Variants in TTC7B observed in about 807,000 individuals in gnomAD.
TTC7B encodes the protein tetratricopeptide repeat protein 7B.
TTC7B carries 28 observed loss-of-function variants against 106.8 expected under a neutral mutation model. The ratio of observed to expected loss-of-function variants is 0.26; its 90% CI spans 0.19 to 0.36. The LOEUF is 0.36. TTC7B is among the 10% of genes least tolerant of loss of function. The pLI, the probability that TTC7B is intolerant of heterozygous loss-of-function variation, is 1.00. For missense variants in TTC7B, 862 were observed against 1,076.4 expected (o/e 0.80, Z 2.79); for synonymous variants, 405 against 430.6 (o/e 0.94, Z 0.74).
intron 19 of TTC7B, among the ~76,000 whole-genome samples, chr14:90,544,427 G>C (rs891524906): frequency 2.0e-5 from 3 of 152,206 alleles, no homozygotes; most frequent in African/African-American, 7.2e-5. Flanking sequence ...CCTGGTGCCT[G>C]CCTGAAGGGC....
At chr14:90,664,457 G>A (rs1886331851) in intron 9 of TTC7B, among the ~76,000 whole-genome samples, 1 of 152,042 alleles carries the variant, frequency 6.6e-6, no homozygotes, top group Admixed American at 6.6e-5. Flanking sequence ...TTTTAGTAGA[G>A]ATGGGGTTTC....
chr14:90,604,285 C>T (rs538292448), intron 17 of TTC7B, among the ~76,000 whole-genome samples: 1 of 152,306 alleles, frequency 6.6e-6, no homozygotes, highest in African/African-American at 2.4e-5. Flanking sequence ...TTGGCAATTG[C>T]CAGTAGGCAT....
intron 14 of TTC7B, among the ~76,000 whole-genome samples, chr14:90,645,975 G>A (rs777129125): frequency 3.9e-5 from 6 of 152,182 alleles, no homozygotes; most frequent in Admixed American, 6.5e-5. Flanking sequence ...TGGAGGAGGC[G>A]AGAGAAGCTG....
chr14:90,597,683 CA>C (rs943420414), intron 17 of TTC7B, among the ~76,000 whole-genome samples: 1 of 150,676 alleles, frequency 6.6e-6, no homozygotes, highest in Non-Finnish European at 1.5e-5. Context: ...ACAACAACAA[CA>C]AAAAAAACCC....
intron 3 of TTC7B, among the ~76,000 whole-genome samples, chr14:90,764,032 A>G (rs1377774583): frequency 6.6e-6 from 1 of 152,212 alleles, no homozygotes; most frequent in Non-Finnish European, 1.5e-5. Flanking sequence ...GAACAAAGTT[A>G]GAAAACACAC....
chr14:90,669,502 C>T (rs1415675640), intron 9 of TTC7B, among the ~76,000 whole-genome samples: 2 of 149,440 alleles, frequency 1.3e-5, no homozygotes, highest in Non-Finnish European at 3.0e-5. Flanking sequence ...AGTCTGAGAC[C>T]AGCCCAAGCT....
At chr14:90,646,845 C>T in intron 14 of TTC7B, 106 bp downstream of exon 14, 1 of 1,076,534 alleles carries the variant, frequency 9.3e-7, no homozygotes, top group Non-Finnish European at 1.4e-6. Context: ...CCAGGTCAGC[C>T]TCAATGGAAT....
At chr14:90,749,436 G>A (rs1376151999) in intron 3 of TTC7B, among the ~76,000 whole-genome samples, 8 of 126,222 alleles carry the variant, frequency 6.3e-5, no homozygotes, top group Non-Finnish European at 8.0e-5. Flanking sequence ...ACAGAGTTTC[G>A]CTCTTGTTGC....
In TTC7B at chr14:90,816,388, GGGCTCCGGCTCCC is replaced by G. The variant is rs1218132217; in HGVS notation, c.-106_-94del. ...CGCCTCCCGCCGCCGCCGCGGGCTC[GGGCTCCGGCTCCC>G]GGCTCCGCGGCGTAACGGGAGCGCC... On this transcript the variant is annotated 5_prime_UTR_variant, in exon 1 of 20. Transcript: ENST00000328459. 1 of 687,372 alleles carries G rather than the reference GGGCTCCGGCTCCC, an allele frequency of 1.5e-6. No homozygotes were observed. 42.6% of individuals were successfully genotyped at this position (687,372 alleles called of 1,614,324 possible). A position where few individuals can be genotyped will look rare whatever the true frequency, so the allele number is the denominator to read the frequency against.
chr14:90,661,280 C>T (rs139437842), intron 9 of TTC7B, among the ~76,000 whole-genome samples: 1 of 152,296 alleles, frequency 6.6e-6, no homozygotes, highest in Non-Finnish European at 1.5e-5. Flanking sequence ...AAGCAGCAGA[C>T]CTGGAATCTG....
intron 16 of TTC7B, 133 bp from the exon 17 acceptor site, chr14:90,610,972 T>C (rs1892848964): frequency 2.8e-6 from 2 of 704,104 alleles, no homozygotes; most frequent in Admixed American, 4.2e-5. Context: ...GCATCTTTCT[T>C]ATGAAGGAGG....
chr14:90,719,112 AC>A (rs1305360089), intron 5 of TTC7B, among the ~76,000 whole-genome samples: 2 of 151,882 alleles, frequency 1.3e-5, no homozygotes, highest in African/African-American at 4.8e-5. Flanking sequence ...AAACAAACAA[AC>A]AAAAAAACAA....
At position 90,559,357 on chromosome 14, in the gene TTC7B, G is replaced by T. The variant is rs1201496465; in HGVS notation, c.2311-17768C>A. On this transcript the variant is annotated intron_variant, in intron 19 of 19. Coordinates refer to ENST00000328459, the MANE Select transcript of TTC7B (RefSeq NM_001010854.2). ...CATATTGCTTCTGCAGTGCTCGCAG[G>T]AGTCTTTGCGAATGCAGTGGCGGTT... 3.3e-5 allele frequency among the ~76,000 whole-genome samples: 5 copies of T among 152,374 alleles called. No individual in the cohort carries two copies. The East Asian group carries it at 9.6e-4, about 29-fold the overall frequency.
chr14:90,731,737 T>C (rs1016530212), intron 4 of TTC7B, among the ~76,000 whole-genome samples: 3 of 152,212 alleles, frequency 2.0e-5, no homozygotes, highest in Admixed American at 2.0e-4. Flanking sequence ...GGAGCCACAC[T>C]CCTTTCTCTC....
chr14:90,771,226 T>G (rs1341629188), intron 3 of TTC7B, among the ~76,000 whole-genome samples: 1 of 152,058 alleles, frequency 6.6e-6, no homozygotes, highest in East Asian at 1.9e-4. Flanking sequence ...TAAAATAAAC[T>G]GGGGAGAAAA....
In TTC7B at chr14:90,625,106, T is replaced by C. The variant is rs189661048; in HGVS notation, c.1752-7061A>G. Among the ~76,000 whole-genome samples the C allele has an allele frequency of 3.3e-5, 5 of 152,248 alleles. No homozygotes were observed. The East Asian group carries it at 9.7e-4, about 29-fold the overall frequency. ...ATCTGTCACCAGGTAAGAGAAATAA[T>C]GGATCAGGCTGAAGGGGGCAGGGGG... On this transcript the variant is annotated intron_variant, in intron 15 of 19. Coordinates refer to ENST00000328459, the MANE Select transcript of TTC7B (RefSeq NM_001010854.2).
At chr14:90,699,498 A>C (rs1182744120) in intron 5 of TTC7B, 8 of 315,898 alleles carry the variant, frequency 2.5e-5, no homozygotes, top group South Asian at 2.0e-4. Flanking sequence ...CAATACACTT[A>C]AATTCAATAT....
Position 90,525,807 on chromosome 14 carries a change from T to C in TTC7B, c.*15561A>G, listed in dbSNP as rs1229722175. 6.8e-6 allele frequency: 1 copy of C among 146,764 alleles called. No individual in the cohort carries two copies. Among genetic ancestry groups the C allele is most frequent in the Non-Finnish European group, 1.5e-5 (1 of 66,844 alleles). The allele number at this position is 146,764 out of a possible 1,614,324, so 9.1% of individuals were successfully genotyped here. On this transcript the variant is annotated 3_prime_UTR_variant, in exon 20 of 20. Transcript: ENST00000328459. Reference sequence around the variant, plus strand: ...CCGAGTACACCGGCCTCTGGCTTTGTGACAAGCACGTCACTGTTAGGCTAA... The same window carrying C: ...CCGAGTACACCGGCCTCTGGCTTTGCGACAAGCACGTCACTGTTAGGCTAA...
chr14:90,623,727 A>G (rs2139856072), intron 15 of TTC7B, among the ~76,000 whole-genome samples: 1 of 152,332 alleles, frequency 6.6e-6, no homozygotes, highest in South Asian at 2.1e-4. Context: ...TCTTTAAAGA[A>G]CAATCACATT....
Sources: allele counts gnomAD v4.1 joint callset (sites outside exome capture counted in the v4.1 genomes callset), GRCh38; gene constraint gnomAD v4.1.1; transcripts MANE v1.5; gene names NCBI Gene and HGNC (gene_info 2026-07-23, HGNC 2026-07-21).